Variants in PCDHA5 observed in about 807,000 individuals in gnomAD.
PCDHA5 encodes protocadherin alpha-5.
A neutral mutation model predicts 61.6 loss-of-function variants in PCDHA5; 43 were observed. The observed-to-expected ratio is 0.70, with a 90% CI of 0.55 to 0.90. PCDHA5 has a LOEUF of 0.90. Among genes scored for constraint, PCDHA5 ranks in the 40% least tolerant of loss-of-function variants. The pLI is 0.00. For synonymous variants in PCDHA5, 627 were observed against 543.9 expected (o/e 1.15, Z -2.13); for missense variants, 1,298 against 1,222.7 (o/e 1.06, Z -0.92).
rs144770143 is a variant in PCDHA5 at position 140,947,157 on chromosome 5, G to A, written c.2353-31792G>A. Among the ~76,000 whole-genome samples the A allele has an allele frequency of 6.6e-3, 992 of 151,208 alleles. 6 individuals are homozygous for A. The highest frequency in any genetic ancestry group is 0.022 in the African/African-American group (913 of 41,346). ...TAAAATGTATAGTTACTTCCACGGG[G>A]TAGAAAATGTGGTATATATTCATGG... On this transcript the variant is annotated intron_variant, in intron 1 of 3. Transcript: ENST00000529859.
chr5:140,926,106 G>A (rs952874240), intron 1 of PCDHA5, among the ~76,000 whole-genome samples: 9 of 152,176 alleles, frequency 5.9e-5, no homozygotes, highest in African/African-American at 2.2e-4. Flanking sequence ...GGATACAAGA[G>A]GGTGCAGGAC....
At position 140,823,209 on chromosome 5, in the gene PCDHA5, A is replaced by G. The variant is rs201089803; in HGVS notation, c.1434A>G (p.Ala478=). The G allele has an allele frequency of 1.5e-5, 25 of 1,613,654 alleles. No individual in the cohort carries two copies. Among genetic ancestry groups the G allele is most frequent in the South Asian group, 2.2e-5 (2 of 91,082 alleles). The part of the protein sequence containing the change: ...PPGCHIFTVS[A]RDADAQENAL... Reference sequence around the variant, plus strand: ...GCTGCCACATCTTCACGGTGTCTGCACGGGACGCGGACGCGCAGGAGAACG... The same window carrying G: ...GCTGCCACATCTTCACGGTGTCTGCGCGGGACGCGGACGCGCAGGAGAACG... The change falls in exon 1 of 4, where the codon GCA becomes GCG. Residue 478 remains alanine, a synonymous_variant. Transcript: ENST00000529859.
chr5:140,828,828 A>G (rs2150159417), intron 1 of PCDHA5: 3 of 1,614,222 alleles, frequency 1.9e-6, no homozygotes, highest in Non-Finnish European at 1.7e-6. Context: ...GAACAGTCTG[A>G]ATACGAAGTA....
rs982709387 is a variant in PCDHA5, at chr5:141,003,306, C to T, written c.2501-6321C>T. ...TGGATTATAGGATTACATGAAGTGG[C>T]CAGCTACTTCCAGAGGGCAGGGTTT... On this transcript the variant is annotated intron_variant, in intron 3 of 3. Coordinates refer to ENST00000529859, the MANE Select transcript of PCDHA5 (RefSeq NM_018908.3). 1.7e-4 allele frequency among the ~76,000 whole-genome samples: 26 copies of T among 152,276 alleles called. No homozygotes were observed. In the East Asian group the frequency reaches 4.1e-3, roughly 24 times the overall value.
Position 140,873,357 on chromosome 5 carries a change from G to T in PCDHA5, c.2352+49230G>T, listed in dbSNP as rs564914388. On this transcript the variant is annotated intron_variant, in intron 1 of 3. Coordinates refer to ENST00000529859, the MANE Select transcript of PCDHA5 (RefSeq NM_018908.3). ...TACTCATCTCCAGATGAAATTTTTG[G>T]AATAACTGAAGATCTTTTAAAGACT... Among the ~76,000 whole-genome samples the T allele has an allele frequency of 2.0e-5, 3 of 152,172 alleles. No individual in the cohort carries two copies. In the South Asian group the frequency reaches 6.2e-4, roughly 32 times the overall value.
intron 1 of PCDHA5, chr5:140,860,410 A>T (rs2046380485): frequency 6.6e-6 from 1 of 152,082 alleles, no homozygotes; most frequent in Non-Finnish European, 1.5e-5. Context: ...AGCAATAGTA[A>T]CACCATTATC....
intron 1 of PCDHA5, chr5:140,875,523 G>A (rs782796444): frequency 6.2e-7 from 1 of 1,613,992 alleles, no homozygotes; most frequent in South Asian, 1.1e-5. Flanking sequence ...TGCTGCTCTC[G>A]CTTCTGCTCC....
chr5:140,904,555 CT>C (rs569725486), intron 1 of PCDHA5, among the ~76,000 whole-genome samples: 14 of 151,628 alleles, frequency 9.2e-5, no homozygotes, highest in Non-Finnish European at 1.8e-4. Context: ...CATATAATGA[CT>C]TTTTTTTCCT....
Position 140,982,513 on chromosome 5 carries a change from G to A in PCDHA5, c.2450G>A (p.Gly817Asp). Residue 817 changes from glycine (G) to aspartate (D), a missense_variant, in exon 3 of 4, where the codon GGT (glycine) becomes GAT (aspartate). Transcript: ENST00000529859. ...HLEEAGILRA[G>D]PGGPDQQWPT... is the part of the protein sequence containing the mutation. ...GAGGAGGCTGGCATTCTACGGGCTGGTCCAGGAGGGCCTGATCAGCAGTGG... is the reference window on the plus strand; with the variant it reads ...GAGGAGGCTGGCATTCTACGGGCTGATCCAGGAGGGCCTGATCAGCAGTGG... The A allele has an allele frequency of 6.2e-7, 1 of 1,614,194 alleles. No individual in the cohort carries two copies. Among genetic ancestry groups the A allele is most frequent in the Non-Finnish European group, 8.5e-7 (1 of 1,180,032 alleles).
intron 1 of PCDHA5, chr5:140,969,211 A>T: frequency 6.2e-7 from 1 of 1,614,206 alleles, no homozygotes; most frequent in Non-Finnish European, 8.5e-7. Context: ...GGGCCCAGAC[A>T]GGACCAGGGC....
chr5:140,866,444 T>G (rs1399450824), intron 1 of PCDHA5: 1 of 152,130 alleles, frequency 6.6e-6, no homozygotes, highest in African/African-American at 2.4e-5. Context: ...TTCTTCAGTC[T>G]TATTGTTGGC....
intron 3 of PCDHA5, among the ~76,000 whole-genome samples, chr5:140,994,479 G>A (rs1229761223): frequency 1.3e-5 from 2 of 152,094 alleles, no homozygotes; most frequent in African/African-American, 4.8e-5. Context: ...GAGGCGGGTG[G>A]ATTGCCTGAA....
intron 1 of PCDHA5, chr5:140,968,734 C>A: frequency 6.2e-7 from 1 of 1,614,162 alleles, no homozygotes; most frequent in Non-Finnish European, 8.5e-7. Flanking sequence ...GTAGCACTTT[C>A]AACCTGACCG....
chr5:140,858,663 C>A, intron 1 of PCDHA5: 1 of 735,366 alleles, frequency 1.4e-6, no homozygotes, highest in Non-Finnish European at 2.1e-6. Flanking sequence ...TTTTAAATAA[C>A]AATTTATTCT....
intron 1 of PCDHA5, among the ~76,000 whole-genome samples, chr5:140,846,624 T>G (rs1554141412): frequency 6.7e-6 from 1 of 149,082 alleles, no homozygotes; most frequent in Non-Finnish European, 1.5e-5. Flanking sequence ...TCCGCCCACT[T>G]CGGCCTCCTA....
chr5:140,926,890 A>C, intron 1 of PCDHA5: 2 of 1,543,874 alleles, frequency 1.3e-6, no homozygotes, highest in Non-Finnish European at 1.7e-6. Context: ...GCCTAGAGGG[A>C]GGATGGTGGG....
chr5:140,868,892 A>C (rs1450985948), intron 1 of PCDHA5: 8 of 760,982 alleles, frequency 1.1e-5, no homozygotes, highest in Non-Finnish European at 1.6e-5. Context: ...TTTTAGGCGC[A>C]AGGTGTCGCT....
Position 140,823,741 on chromosome 5 carries a change from C to T in PCDHA5, c.1966C>T (p.Pro656Ser), listed in dbSNP as rs2150128632. 3.8e-5 allele frequency: 61 copies of T among 1,613,720 alleles called. No homozygotes were observed. Among genetic ancestry groups the T allele is most frequent in the Middle Eastern group, 1.6e-4 (1 of 6,084 alleles). The change falls in exon 1 of 4, where the codon CCC becomes TCC. Residue 656 changes from proline to serine, a missense_variant. Coordinates refer to ENST00000529859, the MANE Select transcript of PCDHA5 (RefSeq NM_018908.3). ...LLVLVKDHGEPPLTATATVLV... is the reference protein window; with the variant it reads ...LLVLVKDHGESPLTATATVLV... ...GGTGCTGGTGAAGGACCATGGAGAG[C>T]CCCCGCTGACAGCCACAGCCACAGT...
rs2150135229 is a variant in PCDHA5, at chr5:140,824,610, G to GTTT, written c.2352+503_2352+505dup. ...GGACTACATGCACATGCTAATTAAAGTTTTTTTTTTTTTTTTTTTTTTATT... is the reference window on the plus strand; with the variant it reads ...GGACTACATGCACATGCTAATTAAAGTTTTTTTTTTTTTTTTTTTTTTTTTATT... On this transcript the variant is annotated intron_variant, in intron 1 of 3. Coordinates refer to ENST00000529859, the MANE Select transcript of PCDHA5 (RefSeq NM_018908.3). 763 of 95,086 alleles carry GTTT rather than the reference G, an allele frequency of 8.0e-3. 102 individuals are homozygous for GTTT. The highest frequency in any genetic ancestry group is 0.015 in the East Asian group (49 of 3,346). 5.9% of individuals were successfully genotyped at this position (95,086 alleles called of 1,614,324 possible). A position where few individuals can be genotyped will look rare whatever the true frequency, so the allele number is the denominator to read the frequency against.
Sources: gnomAD v4.1 joint callset for allele counts (sites outside exome capture counted in the v4.1 genomes callset) on GRCh38, gnomAD v4.1.1 for gene constraint, MANE v1.5 for transcripts, NCBI Gene and HGNC (gene_info 2026-07-23, HGNC 2026-07-21) for gene names.